DOCK11: variants seen among roughly 807,000 people sequenced by gnomAD.
The protein encoded by DOCK11 is dedicator of cytokinesis protein 11.
A neutral mutation model predicts 169.1 loss-of-function variants in DOCK11; 70 were observed. The ratio of observed to expected loss-of-function variants is 0.41; its 90% CI spans 0.34 to 0.51. The LOEUF (loss-of-function observed/expected upper bound fraction) is 0.51, where lower values mean the gene tolerates loss of function less well. Among genes scored for constraint, DOCK11 ranks in the 20% least tolerant of loss-of-function variants. The pLI, the probability that DOCK11 is intolerant of heterozygous loss-of-function variation, is 0.10. For missense variants in DOCK11, 1,166 were observed against 1,538.8 expected (o/e 0.76, Z 4.05); for synonymous variants, 529 against 541.3 (o/e 0.98, Z 0.32).
At chrX:118,662,622 G>T (rs1031530517) in intron 44 of DOCK11, 64 bp from the exon 45 acceptor site, 7 of 622,269 alleles carry the variant, frequency 1.1e-5, no homozygotes, top group Non-Finnish European at 1.9e-5. Context: ...TCTCTGTAAG[G>T]CTCACTGTTA....
intron 7 of DOCK11, among the ~76,000 whole-genome samples, chrX:118,561,901 CAT>C (rs922687616): frequency 2.7e-5 from 3 of 110,249 alleles, no homozygotes; most frequent in Admixed American, 9.7e-5. Flanking sequence ...TGCGGTGGCT[CAT>C]GTGTATAATC....
At chrX:118,537,959 T>G (rs2011816713) in intron 1 of DOCK11, among the ~76,000 whole-genome samples, 1 of 112,151 alleles carries the variant, frequency 8.9e-6, no homozygotes, top group Non-Finnish European at 1.9e-5. Flanking sequence ...TGAGATTTGG[T>G]CCTTAGTGGC....
chrX:118,673,371 C>T (rs985617422), intron 46 of DOCK11, among the ~76,000 whole-genome samples: 1 of 111,292 alleles, frequency 9.0e-6, no homozygotes, highest in African/African-American at 3.3e-5. Context: ...ACTTGGGAGA[C>T]TGAGGTAGGA....
At chrX:118,672,456 G>A (rs947654721) in intron 46 of DOCK11, among the ~76,000 whole-genome samples, 2 of 112,007 alleles carry the variant, frequency 1.8e-5, no homozygotes, top group African/African-American at 3.2e-5. Context: ...TTTTTGAGAC[G>A]GAGTCTTGCT....
intron 6 of DOCK11, among the ~76,000 whole-genome samples, chrX:118,557,507 G>A (rs1403010254): frequency 9.0e-6 from 1 of 110,755 alleles, no homozygotes; most frequent in Middle Eastern, 4.3e-3. Context: ...GGTGGCTCAT[G>A]CCTGTAATCC....
intron 1 of DOCK11, among the ~76,000 whole-genome samples, chrX:118,503,465 G>A (rs1481767712): frequency 8.9e-6 from 1 of 112,108 alleles, no homozygotes; most frequent in Non-Finnish European, 1.9e-5. Flanking sequence ...TAAAAGGGAA[G>A]GAGAAGGGGG....
Position 118,561,432 on chromosome X carries a change from A to G in DOCK11, c.608A>G (p.Tyr203Cys). 8.3e-7 allele frequency: 1 copy of G among 1,206,218 alleles called. No homozygotes were observed. Among genetic ancestry groups the G allele is most frequent in the Non-Finnish European group, 1.1e-6 (1 of 892,812 alleles). The change falls in exon 7 of 53, where the codon TAT becomes TGT. Residue 203 changes from tyrosine to cysteine, a missense_variant. Physicochemically the swap from Tyr to Cys is radical, Grantham distance 194. Coordinates refer to ENST00000276202, the MANE Select transcript of DOCK11 (RefSeq NM_144658.4). ...TTGACCCAACTTCCTGACGGTTCAT[A>G]TATTCTCAATTCCTATAAAGATGAG... is the stretch of plus-strand genomic sequence containing the variant. ...FYLTQLPDGS[Y>C]ILNSYKDEKN... is the part of the protein sequence containing the mutation.
chrX:118,674,677 T>C (rs1321318721), intron 46 of DOCK11, among the ~76,000 whole-genome samples: 1 of 112,195 alleles, frequency 8.9e-6, no homozygotes, highest in Non-Finnish European at 1.9e-5. Flanking sequence ...CTCTTGAATA[T>C]ATACTAGGGA....
At position 118,504,887 on chromosome X, in the gene DOCK11, G is replaced by A. The variant is rs749055362; in HGVS notation, c.102+8814G>A. On this transcript the variant is annotated intron_variant, in intron 1 of 52. Transcript: ENST00000276202. ...TTGTAAGCTTGTGCTTCAGAGCAAA[G>A]TGGTTAAGAGCTTGGGCTCTGGAAG... Among the ~76,000 whole-genome samples the A allele has an allele frequency of 4.4e-5, 5 of 112,627 alleles. No homozygotes were observed. In the East Asian group the frequency reaches 1.4e-3, roughly 31 times the overall value.
At chrX:118,559,764 T>C (rs894562803) in intron 6 of DOCK11, among the ~76,000 whole-genome samples, 3 of 111,488 alleles carry the variant, frequency 2.7e-5, no homozygotes, top group Non-Finnish European at 3.8e-5. Flanking sequence ...AACATGCATA[T>C]ATAATCACCA....
chrX:118,676,174 G>C, intron 47 of DOCK11, 125 bp downstream of exon 47: 1 of 447,424 alleles, frequency 2.2e-6, no homozygotes, highest in Non-Finnish European at 3.8e-6. Context: ...AGCCTCTTTT[G>C]TATGTATAAA....
At chrX:118,554,284 T>A (rs917653086) in intron 6 of DOCK11, among the ~76,000 whole-genome samples, 1 of 111,932 alleles carries the variant, frequency 8.9e-6, no homozygotes, top group African/African-American at 3.2e-5. Context: ...GCACAGTGGC[T>A]CACACTTGTA....
rs987093109 is a variant in DOCK11, at chrX:118,495,874, G to A, written c.-98G>A. Reference sequence around the variant, plus strand: ...GCCGGCCGGCCGGCGAGTAAACAGAGGGAGCAGCAGCGGCCGCGGCCGCCG... The same window carrying A: ...GCCGGCCGGCCGGCGAGTAAACAGAAGGAGCAGCAGCGGCCGCGGCCGCCG... On this transcript the variant is annotated 5_prime_UTR_variant, in exon 1 of 53. Coordinates refer to ENST00000276202, the MANE Select transcript of DOCK11 (RefSeq NM_144658.4). 1 of 396,571 alleles carries A rather than the reference G, an allele frequency of 2.5e-6. No individual in the cohort carries two copies. The highest frequency in any genetic ancestry group is 7.8e-5 in the Admixed American group (1 of 12,863). The allele number at this position is 396,571 out of a possible 1,213,427, so 32.7% of individuals were successfully genotyped here.
intron 35 of DOCK11, among the ~76,000 whole-genome samples, chrX:118,631,353 C>G (rs2015237537): frequency 9.3e-6 from 1 of 107,824 alleles, no homozygotes; most frequent in African/African-American, 3.4e-5. Context: ...GCTATAGAAA[C>G]ATTAAAATAA....
intron 31 of DOCK11, among the ~76,000 whole-genome samples, chrX:118,619,822 CTTTT>C (rs746842017): frequency 1.0e-5 from 1 of 100,151 alleles, no homozygotes. Context: ...TGTTTTCTTT[CTTTT>C]TTTTTTTTTG....
chrX:118,504,902 G>C (rs1433825381), intron 1 of DOCK11, among the ~76,000 whole-genome samples: 1 of 112,575 alleles, frequency 8.9e-6, no homozygotes, highest in Non-Finnish European at 1.9e-5. Flanking sequence ...TAAGAGCTTG[G>C]GCTCTGGAAG....
At chrX:118,624,678 T>C in intron 32 of DOCK11, 23 bp downstream of exon 32, 1 of 1,067,817 alleles carries the variant, frequency 9.4e-7, no homozygotes, top group Admixed American at 2.2e-5. Context: ...GTGTTTCTGT[T>C]GGAGTTTTAT....
chrX:118,511,959 G>A (rs1275291965), intron 1 of DOCK11, among the ~76,000 whole-genome samples: 1 of 112,463 alleles, frequency 8.9e-6, no homozygotes, highest in African/African-American at 3.2e-5. Context: ...TGTCGCCCAG[G>A]CTGGAGTGCA....
Position 118,566,645 on chromosome X carries a change from C to T in DOCK11, c.943C>T (p.Leu315=), listed in dbSNP as rs2013089001. The T allele has an allele frequency of 8.3e-7, 1 of 1,208,935 alleles. No individual in the cohort carries two copies. ...TTTGGAAAGGAGCATGCATCCGGAA[C>T]TGATGAAGGTACATCTTTCATATGG... The part of the protein sequence containing the change: ...ASLERSMHPE[L]MKYGRETEQL... Residue 315 remains leucine (L), a synonymous_variant, in exon 9 of 53, where the codon CTG becomes TTG. Coordinates refer to ENST00000276202, the MANE Select transcript of DOCK11 (RefSeq NM_144658.4).
Sources: gnomAD v4.1 joint callset for allele counts (sites outside exome capture counted in the v4.1 genomes callset) on GRCh38, gnomAD v4.1.1 for gene constraint, MANE v1.5 for transcripts, NCBI Gene and HGNC (gene_info 2026-07-23, HGNC 2026-07-21) for gene names.